STXBP5L: variants seen among roughly 807,000 people sequenced by gnomAD.
STXBP5L encodes the protein syntaxin binding protein 5L.
Under a neutral mutation model 144.5 loss-of-function variants are expected in STXBP5L, and 65 were observed. The observed-to-expected ratio is 0.45, with a 90% CI of 0.37 to 0.55. The LOEUF (loss-of-function observed/expected upper bound fraction) is 0.55. Among genes scored for constraint, STXBP5L ranks in the 20% least tolerant of loss-of-function variants. The probability of loss-of-function intolerance (pLI) is 0.00; values close to 1 mark genes in which losing one functional copy is unlikely to be tolerated. For synonymous variants in STXBP5L, 505 were observed against 469.6 expected, an observed-to-expected ratio of 1.08 and a Z score of -0.97; for missense variants, 1,298 against 1,405.5, an observed-to-expected ratio of 0.92 and a Z score of 1.22.
chr3:121,172,985 G>A (rs1445015322), intron 9 of STXBP5L, among the ~76,000 whole-genome samples: 1 of 151,470 alleles, frequency 6.6e-6, no homozygotes, highest in East Asian at 1.9e-4. Flanking sequence ...ACACACCATG[G>A]AATACTATGC....
intron 5 of STXBP5L, among the ~76,000 whole-genome samples, chr3:121,100,305 C>G (rs1018975960): frequency 2.0e-5 from 3 of 152,146 alleles, no homozygotes; most frequent in Non-Finnish European, 1.5e-5. Flanking sequence ...TCACTCTTGT[C>G]TTCTGCACAC....
At chr3:121,157,417 A>T in intron 8 of STXBP5L, 87 bp from the exon 9 acceptor site, 1 of 1,311,936 alleles carries the variant, frequency 7.6e-7, no homozygotes, top group Non-Finnish European at 1.0e-6. Context: ...ATAATTTTAT[A>T]TCAGAATAGT....
intron 5 of STXBP5L, among the ~76,000 whole-genome samples, chr3:121,047,534 T>A (rs1315670325): frequency 6.6e-6 from 1 of 152,198 alleles, no homozygotes; most frequent in Non-Finnish European, 1.5e-5. Context: ...ATCCGGGTAC[T>A]CCTGTGTTGG....
intron 3 of STXBP5L, among the ~76,000 whole-genome samples, chr3:121,000,442 GT>G (rs1943680068): frequency 6.6e-6 from 1 of 152,134 alleles, no homozygotes; most frequent in South Asian, 2.1e-4. Context: ...CTTGTGGTGA[GT>G]TTTTCATGTC....
chr3:121,026,143 A>G (rs972345921), intron 3 of STXBP5L, among the ~76,000 whole-genome samples: 1 of 151,274 alleles, frequency 6.6e-6, no homozygotes, highest in Non-Finnish European at 1.5e-5. Flanking sequence ...CAAATGTATC[A>G]CCTTGATTTA....
At chr3:121,195,114 C>T (rs2047868019) in intron 9 of STXBP5L, among the ~76,000 whole-genome samples, 2 of 151,542 alleles carry the variant, frequency 1.3e-5, no homozygotes, top group Non-Finnish European at 2.9e-5. Context: ...AAAATTTAGA[C>T]GGGATTTCAT....
intron 18 of STXBP5L, among the ~76,000 whole-genome samples, chr3:121,267,666 C>G (rs571212814): frequency 4.6e-5 from 7 of 152,180 alleles, no homozygotes; most frequent in African/African-American, 1.7e-4. Flanking sequence ...ATCCATCTGA[C>G]AAAGGTCTAA....
intron 20 of STXBP5L, among the ~76,000 whole-genome samples, chr3:121,360,686 C>T (rs1246871006): frequency 6.6e-6 from 1 of 151,964 alleles, no homozygotes; most frequent in African/African-American, 2.4e-5. Context: ...TAAAAACTCA[C>T]CTTAAGTTTG....
intron 5 of STXBP5L, chr3:121,049,745 C>G (rs908225504): frequency 6.5e-6 from 1 of 154,364 alleles, no homozygotes; most frequent in South Asian, 2.0e-4. Flanking sequence ...TGGATTCAGC[C>G]CCTTTCCTGG....
At chr3:120,977,780 A>G (rs561509703) in intron 3 of STXBP5L, among the ~76,000 whole-genome samples, 3 of 152,186 alleles carry the variant, frequency 2.0e-5, no homozygotes, top group Admixed American at 1.3e-4. Context: ...TCTGTGAAGT[A>G]TTTTATTTCT....
intron 20 of STXBP5L, among the ~76,000 whole-genome samples, chr3:121,343,092 A>G (rs368770952): frequency 5.3e-4 from 81 of 152,228 alleles, no homozygotes; most frequent in African/African-American, 1.9e-3. Flanking sequence ...TTTCTCTGAT[A>G]GCCAGTGATG....
At chr3:121,359,517 G>A (rs1428135866) in intron 20 of STXBP5L, among the ~76,000 whole-genome samples, 1 of 152,008 alleles carries the variant, frequency 6.6e-6, no homozygotes, top group Admixed American at 6.6e-5. Context: ...TGCATAAGAA[G>A]CCTTTGCCCA....
intron 1 of STXBP5L, among the ~76,000 whole-genome samples, chr3:120,908,596 C>A (rs969680944): frequency 6.6e-6 from 1 of 151,324 alleles, no homozygotes. Flanking sequence ...CGCGGGCGGG[C>A]GAGAGCCCCG....
intron 14 of STXBP5L, 148 bp downstream of exon 14, chr3:121,240,655 A>G (rs2049635482): frequency 4.4e-6 from 3 of 683,172 alleles, no homozygotes; most frequent in Non-Finnish European, 7.3e-6. Flanking sequence ...AAAGATTCTC[A>G]TCTTGACAGA....
At chr3:121,011,526 C>A (rs756626894) in intron 3 of STXBP5L, among the ~76,000 whole-genome samples, 3 of 151,664 alleles carry the variant, frequency 2.0e-5, no homozygotes, top group Non-Finnish European at 4.4e-5. Flanking sequence ...ACCCTCTATT[C>A]CTCTCAAGCT....
At chr3:121,216,537 C>G (rs957878667) in intron 10 of STXBP5L, among the ~76,000 whole-genome samples, 4 of 152,294 alleles carry the variant, frequency 2.6e-5, no homozygotes, top group African/African-American at 9.6e-5. Context: ...AAGATTGCTG[C>G]CTGTTCCTTC....
At chr3:120,980,052 A>G (rs1272236148) in intron 3 of STXBP5L, among the ~76,000 whole-genome samples, 2 of 152,046 alleles carry the variant, frequency 1.3e-5, no homozygotes, top group African/African-American at 4.8e-5. Flanking sequence ...GTTGGTGTTG[A>G]TTTCCAGTTT....
chr3:121,390,174 A>G (rs1193912171), intron 22 of STXBP5L, among the ~76,000 whole-genome samples: 3 of 151,976 alleles, frequency 2.0e-5, no homozygotes, highest in Non-Finnish European at 4.4e-5. Flanking sequence ...CTTTGTTAGT[A>G]TAAAGTCTGT....
chr3:121,105,667 A>AT (rs1189815239), intron 5 of STXBP5L, among the ~76,000 whole-genome samples: 1 of 151,468 alleles, frequency 6.6e-6, no homozygotes, highest in African/African-American at 2.4e-5. Flanking sequence ...ATAACTTTTG[A>AT]TTTAAAAAAA....
Sources: allele counts gnomAD v4.1 joint callset (sites outside exome capture counted in the v4.1 genomes callset), GRCh38; gene constraint gnomAD v4.1.1; transcripts MANE v1.5; gene names NCBI Gene and HGNC (gene_info 2026-07-23, HGNC 2026-07-21).